The following JAKMIP3 variants were observed in gnomAD, a reference collection of about 807,000 sequenced individuals.
JAKMIP3 encodes Janus kinase and microtubule interacting protein 3.
JAKMIP3 carries 58 observed loss-of-function variants against 118.5 expected under a neutral mutation model. The ratio of observed to expected loss-of-function variants is 0.49; its 90% CI spans 0.40 to 0.61. JAKMIP3 has a LOEUF of 0.61. Among genes scored for constraint, JAKMIP3 ranks in the 20% least tolerant of loss-of-function variants. The probability of loss-of-function intolerance (pLI) is 0.00; values close to 1 mark genes in which losing one functional copy is unlikely to be tolerated. For synonymous variants in JAKMIP3, 486 were observed against 451.2 expected, an observed-to-expected ratio of 1.08 and a Z score of -0.98; for missense variants, 950 against 1,109.0, an observed-to-expected ratio of 0.86 and a Z score of 2.04.
At chr10:132,127,108 A>C (rs1208800768) in intron 3 of JAKMIP3, among the ~76,000 whole-genome samples, 3 of 152,164 alleles carry the variant, frequency 2.0e-5, no homozygotes, top group African/African-American at 7.2e-5. Context: ...AAATGTATTT[A>C]ATAAATATAA....
intron 1 of JAKMIP3, among the ~76,000 whole-genome samples, chr10:132,068,441 A>G (rs2039278102): frequency 6.6e-6 from 1 of 152,192 alleles, no homozygotes; most frequent in Admixed American, 6.5e-5. Context: ...TCTTTTTGAA[A>G]GAGCCTATGT....
intron 19 of JAKMIP3, among the ~76,000 whole-genome samples, chr10:132,161,105 G>GGGCCTCTTCCTGTGTGATGCTGGGGA (rs2058191402): frequency 7.0e-5 from 1 of 14,318 alleles, no homozygotes; most frequent in African/African-American, 2.4e-4. Flanking sequence ...GATGCTGGGG[G>GGGCCTCTTCCTGTGTGATGCTGGGGA]GGGTCTATTC....
chr10:132,150,704 A>T (rs779191672), intron 16 of JAKMIP3, among the ~76,000 whole-genome samples: 3 of 151,786 alleles, frequency 2.0e-5, no homozygotes, highest in African/African-American at 7.3e-5. Flanking sequence ...TCCATAATCC[A>T]TCTATCCGTC....
At chr10:132,141,821 T>C in intron 10 of JAKMIP3, 99 bp from the exon 11 acceptor site, 16 of 1,350,004 alleles carry the variant, frequency 1.2e-5, no homozygotes, top group Non-Finnish European at 1.5e-5. Flanking sequence ...CACCATTTGA[T>C]ATCTGGGGAG....
At position 132,055,810 on chromosome 10, in the gene JAKMIP3, G is replaced by A. The variant is rs574365242; in HGVS notation, c.-138+19072G>A. Reference sequence around the variant, plus strand: ...TTTGTGTCCCACTGTGCCATCAGGCGACCTGGAGGTGCAGAGAGCCCAGTA... The same window carrying A: ...TTTGTGTCCCACTGTGCCATCAGGCAACCTGGAGGTGCAGAGAGCCCAGTA... On this transcript the variant is annotated intron_variant, in intron 1 of 23. Transcript: ENST00000657785. Among the ~76,000 whole-genome samples, 110 of 152,262 alleles carry A rather than the reference G, an allele frequency of 7.2e-4. 1 individual carries two copies. The East Asian group carries it at 0.012, about 16-fold the overall frequency.
intron 23 of JAKMIP3, among the ~76,000 whole-genome samples, chr10:132,180,523 C>CTGTGTGTGTGTGTGTGTGTGTGTG (rs760742595): frequency 1.3e-5 from 1 of 74,444 alleles, no homozygotes; most frequent in African/African-American, 8.5e-5. Flanking sequence ...GGAAGCAGAA[C>CTGTGTGTGTGTGTGTGTGTGTGTG]TGTGTGTGTG....
At chr10:132,131,544 G>T (rs1055490418) in intron 3 of JAKMIP3, among the ~76,000 whole-genome samples, 1 of 151,960 alleles carries the variant, frequency 6.6e-6, no homozygotes, top group Non-Finnish European at 1.5e-5. Flanking sequence ...TAGTGCCGGG[G>T]TAGGATGTTT....
Position 132,117,129 on chromosome 10 carries a change from A to G in JAKMIP3, c.188A>G (p.His63Arg). The change falls in exon 3 of 24, where the codon CAT becomes CGT. Residue 63 changes from histidine (H) to arginine (R), a missense_variant. Transcript: ENST00000684848. The surrounding 1 kb of genome is among the most constrained non-coding windows in gnomAD (Gnocchi z 8.6). ...CAGGAGCTGCGGCAGGTGCGCGAGC[A>G]TGAGCAGCATAAGACCGCGGTCTTG... ...KNQELRQVRE[H>R]EQHKTAVLLT... is the part of the protein sequence containing the mutation. The G allele has an allele frequency of 1.9e-6, 3 of 1,613,520 alleles. No homozygotes were observed. The highest frequency in any genetic ancestry group is 2.5e-6 in the Non-Finnish European group (3 of 1,179,730).
At chr10:132,076,544 A>G (rs1298113540) in intron 1 of JAKMIP3, among the ~76,000 whole-genome samples, 5 of 152,000 alleles carry the variant, frequency 3.3e-5, no homozygotes, top group Non-Finnish European at 5.9e-5. Flanking sequence ...TGGCTGGCCT[A>G]TGGTGGCCCC....
intron 1 of JAKMIP3, among the ~76,000 whole-genome samples, chr10:132,102,908 G>C (rs1373834753): frequency 6.6e-6 from 1 of 151,564 alleles, no homozygotes; most frequent in African/African-American, 2.4e-5. Context: ...GGCCGGAGAG[G>C]AGATGCAGGA....
At chr10:132,145,893 C>T (rs2054503188) in intron 13 of JAKMIP3, among the ~76,000 whole-genome samples, 1 of 152,174 alleles carries the variant, frequency 6.6e-6, no homozygotes, top group Non-Finnish European at 1.5e-5. Flanking sequence ...GTTAGAGCAT[C>T]GTGACAGAGG....
At chr10:132,138,203 G>T in intron 9 of JAKMIP3, 25 bp downstream of exon 9, 1 of 1,589,460 alleles carries the variant, frequency 6.3e-7, no homozygotes. Context: ...ACCGGCACGT[G>T]CGGAGAGTAC....
chr10:132,159,578 C>T lies in JAKMIP3; in HGVS notation c.2221-3631C>T, dbSNP rs1279093890. 3.0e-5 allele frequency among the ~76,000 whole-genome samples: 3 copies of T among 101,002 alleles called. No homozygotes were observed. The Admixed American group carries it at 4.0e-4, about 13-fold the overall frequency. The allele number at this position is 101,002 out of a possible 152,430, so 66.3% of individuals were successfully genotyped here. On this transcript the variant is annotated intron_variant, in intron 19 of 23. Transcript: ENST00000684848. ...TGTGATGCTGGGGGGGCGTGTCTCCCTGTGTGATGCTGGGGGCATGTCTTC... is the reference window on the plus strand; with the variant it reads ...TGTGATGCTGGGGGGGCGTGTCTCCTTGTGTGATGCTGGGGGCATGTCTTC...
At chr10:132,156,201 C>T (rs920332545) in intron 19 of JAKMIP3, among the ~76,000 whole-genome samples, 4 of 152,294 alleles carry the variant, frequency 2.6e-5, no homozygotes, top group South Asian at 2.1e-4. Context: ...TCCAGGCCCC[C>T]GCCTCCCTCC....
rs539732875 is a variant in JAKMIP3, at chr10:132,183,755, C to T, written c.*2502C>T. 8 of 152,188 alleles carry T rather than the reference C, an allele frequency of 5.3e-5. No individual in the cohort carries two copies. Among genetic ancestry groups the T allele is most frequent in the Admixed American group, 2.6e-4 (4 of 15,286 alleles). 9.4% of individuals were successfully genotyped at this position (152,188 alleles called of 1,614,324 possible). A position where few individuals can be genotyped will look rare whatever the true frequency, so the allele number is the denominator to read the frequency against. On this transcript the variant is annotated 3_prime_UTR_variant, in exon 24 of 24. Coordinates refer to ENST00000684848, the MANE Select transcript of JAKMIP3 (RefSeq NM_001323087.2). The stretch of plus-strand genomic sequence containing the variant: ...TCGTCTATCATAGGCACCTTCTTTA[C>T]ATCTGATTACAATACCCAGCATTTC...
chr10:132,160,503 C>CTAT (rs2058033014), intron 19 of JAKMIP3, among the ~76,000 whole-genome samples: 1 of 10,698 alleles, frequency 9.3e-5, no homozygotes, highest in Non-Finnish European at 1.6e-4. Context: ...GCTGGGGGGG[C>CTAT]CTCTCCCTGT....
chr10:132,145,247 G>T, intron 12 of JAKMIP3, 57 bp downstream of exon 12: 1 of 1,390,966 alleles, frequency 7.2e-7, no homozygotes, highest in Admixed American at 2.0e-5. Context: ...GAGGTATTTG[G>T]CTGTACCTAA....
intron 23 of JAKMIP3, among the ~76,000 whole-genome samples, chr10:132,181,848 T>C (rs2137405763): frequency 6.7e-6 from 1 of 150,070 alleles, no homozygotes; most frequent in South Asian, 2.2e-4. Context: ...CAGCGTGCCC[T>C]CGCTCCCGCC....
At chr10:132,142,483 G>T (rs981220944) in intron 11 of JAKMIP3, among the ~76,000 whole-genome samples, 4 of 137,670 alleles carry the variant, frequency 2.9e-5, no homozygotes, top group Non-Finnish European at 4.6e-5. Context: ...TGCCTGCCCC[G>T]GCCCCGGCCC....
Sources: gnomAD v4.1 joint callset for allele counts (sites outside exome capture counted in the v4.1 genomes callset) on GRCh38, gnomAD v4.1.1 for gene constraint, Gnocchi (gnomAD v3.1) non-coding constraint, MANE v1.5 for transcripts, NCBI Gene and HGNC (gene_info 2026-07-23, HGNC 2026-07-21) for gene names.